The following B9D2 variants were observed in gnomAD, a reference collection of about 807,000 sequenced individuals.
B9D2 encodes B9 domain containing 2.
A neutral mutation model predicts 19.2 loss-of-function variants in B9D2; 21 were observed. That is an observed-to-expected ratio of 1.09 (90% CI 0.78 to 1.58). B9D2 has a LOEUF of 1.58. B9D2 is among the 40% of genes most tolerant of loss of function. The pLI, the probability that B9D2 is intolerant of heterozygous loss-of-function variation, is 0.00. For missense variants in B9D2, 221 were observed against 244.3 expected (o/e 0.90, Z 0.64); for synonymous variants, 91 against 100.6 (o/e 0.90, Z 0.57).
intron 2 of B9D2, among the ~76,000 whole-genome samples, chr19:41,359,434 T>G (rs2038368770): frequency 6.7e-6 from 1 of 150,272 alleles, no homozygotes; most frequent in African/African-American, 2.5e-5. Context: ...CCCACAAAAT[T>G]AGCCACGTCT....
chr19:41,356,303 A>T (rs567019260), intron 3 of B9D2, among the ~76,000 whole-genome samples: 8 of 152,176 alleles, frequency 5.3e-5, no homozygotes, highest in Non-Finnish European at 1.2e-4. Flanking sequence ...ACTTGGACAG[A>T]TCAAGGTGCT....
In B9D2 at chr19:41,355,029, G is replaced by A; in HGVS notation, c.215-16C>T. ...CGGGGCCAGCCTGCAGGAAAGGAGA[G>A]AGAGGGGAAAGGAGGGATGGGTGGG... On this transcript the variant is annotated splice_polypyrimidine_tract_variant and intron_variant, in intron 3 of 3. Transcript: ENST00000243578. 3 of 1,569,162 alleles carry A rather than the reference G, an allele frequency of 1.9e-6. No homozygotes were observed. The highest frequency in any genetic ancestry group is 1.8e-5 in the Admixed American group (1 of 55,694).
intron 2 of B9D2, among the ~76,000 whole-genome samples, chr19:41,362,078 CAAA>C (rs940435937): frequency 0.016 from 735 of 45,986 alleles, 8 homozygotes; most frequent in African/African-American, 0.051. Flanking sequence ...GACTCTGTCT[CAAA>C]AAAAAAAAAA....
chr19:41,363,763 C>T (rs1037003918), intron 1 of B9D2, among the ~76,000 whole-genome samples, 195 bp downstream of exon 1: 8 of 152,204 alleles, frequency 5.3e-5, no homozygotes, highest in Non-Finnish European at 8.8e-5. Context: ...TCCAAAATAA[C>T]CTTTTCGGGT....
chr19:41,357,364 T>C (rs909520043), intron 3 of B9D2, among the ~76,000 whole-genome samples: 1 of 152,206 alleles, frequency 6.6e-6, no homozygotes, highest in African/African-American at 2.4e-5. Flanking sequence ...ACAGGGCAGG[T>C]ACCAGGTAGA....
At chr19:41,360,630 C>T (rs1426398276) in intron 2 of B9D2, among the ~76,000 whole-genome samples, 12 of 152,170 alleles carry the variant, frequency 7.9e-5, no homozygotes, top group Admixed American at 2.0e-4. Context: ...CTCAGCCTCT[C>T]GAGTAGCTGG....
intron 2 of B9D2, among the ~76,000 whole-genome samples, chr19:41,360,554 G>A (rs2038388816): frequency 6.6e-6 from 1 of 151,922 alleles, no homozygotes; most frequent in Admixed American, 6.6e-5. Flanking sequence ...TGCCCAAGCT[G>A]GAGTGCAATG....
Position 41,363,425 on chromosome 19 carries a change from G to A in B9D2, c.88+7C>T, listed in dbSNP as rs780645187. The A allele has an allele frequency of 6.2e-7, 1 of 1,613,974 alleles. No individual in the cohort carries two copies. The highest frequency in any genetic ancestry group is 1.1e-5 in the South Asian group (1 of 91,078). ...GGTGTGGAAATGAACCAGGCTTGGG[G>A]GAATACCTGTGTGAATGCCCCACTT... On this transcript the variant is annotated splice_region_variant and intron_variant, in intron 2 of 3. Coordinates refer to ENST00000243578, the MANE Select transcript of B9D2 (RefSeq NM_030578.4).
At chr19:41,363,576 A>G in intron 1 of B9D2, 53 bp from the exon 2 acceptor site, 1 of 1,462,170 alleles carries the variant, frequency 6.8e-7, no homozygotes, top group Middle Eastern at 1.7e-4. Context: ...TATTATCTCC[A>G]TTTGACGGGG....
chr19:41,363,871 C>A, intron 1 of B9D2, 87 bp downstream of exon 1: 1 of 508,608 alleles, frequency 2.0e-6, no homozygotes, highest in Non-Finnish European at 3.6e-6. Context: ...CGCTTCCCTC[C>A]CCCAGCAAGC....
intron 2 of B9D2, chr19:41,363,214 C>G: frequency 1.7e-6 from 1 of 599,774 alleles, no homozygotes; most frequent in South Asian, 1.8e-5. Context: ...CCACCTTACT[C>G]CAGCCCGGGC....
At chr19:41,355,607 C>T (rs1348135775) in intron 3 of B9D2, among the ~76,000 whole-genome samples, 2 of 152,222 alleles carry the variant, frequency 1.3e-5, no homozygotes, top group Non-Finnish European at 2.9e-5. Flanking sequence ...GAGATCCAGC[C>T]CCATCTCATC....
At chr19:41,358,128 C>A in intron 2 of B9D2, 106 bp from the exon 3 acceptor site, 1 of 1,507,384 alleles carries the variant, frequency 6.6e-7, no homozygotes, top group South Asian at 1.2e-5. Flanking sequence ...GTAGGGGTTA[C>A]GAAGCATGGA....
At position 41,354,715 on chromosome 19, in the gene B9D2, G is replaced by A. The variant is rs143680317; in HGVS notation, c.513C>T (p.Tyr171=). The stretch of plus-strand genomic sequence containing the variant: ...GCAGAGTCCCTCAGCACTCCACGCC[G>A]TAGCGGTCGAAGTTGCGGAGCAGCA... ...IGLLLRNFDR[Y]GVEC Residue 171 remains tyrosine, a synonymous_variant, in exon 4 of 4, where the codon TAC becomes TAT. Transcript: ENST00000243578. 526 of 1,614,022 alleles carry A rather than the reference G, an allele frequency of 3.3e-4. 2 individuals are homozygous for A. The East Asian group carries it at 9.7e-3, about 30-fold the overall frequency.
intron 1 of B9D2, among the ~76,000 whole-genome samples, 170 bp from the exon 2 acceptor site, chr19:41,363,693 G>T (rs1219966262): frequency 6.6e-6 from 1 of 152,156 alleles, no homozygotes; most frequent in African/African-American, 2.4e-5. Context: ...GCCAACCCAT[G>T]AAAGCCTGGA....
chr19:41,362,176 G>T (rs1488894875), intron 2 of B9D2, among the ~76,000 whole-genome samples: 1 of 148,512 alleles, frequency 6.7e-6, no homozygotes, highest in Admixed American at 6.8e-5. Context: ...AAGGTCAGGA[G>T]ATCGAGACCA....
chr19:41,354,831 G>A lies in B9D2; in HGVS notation c.397C>T (p.Gln133Ter). Residue 133 changes from glutamine (Q) to a stop codon, truncating the protein, a stop_gained, in exon 4 of 4, where the codon CAG becomes TAG. Coordinates refer to ENST00000243578, the MANE Select transcript of B9D2 (RefSeq NM_030578.4). LOFTEE classifies it high-confidence loss of function. ...TAGATGGTGTCCCCATGCAGCAGCT[G>A]CGGCCCACCACCCACGAAAGCCCGT... is the stretch of plus-strand genomic sequence containing the variant. ...LARAFVGGGP[Q>*]LLHGDTIYSG... The A allele has an allele frequency of 7.4e-6, 12 of 1,614,016 alleles. No individual in the cohort carries two copies. Among genetic ancestry groups the A allele is most frequent in the Non-Finnish European group, 9.3e-6 (11 of 1,179,998 alleles).
chr19:41,357,005 C>A (rs1238494738), intron 3 of B9D2, among the ~76,000 whole-genome samples: 1 of 152,198 alleles, frequency 6.6e-6, no homozygotes, highest in Non-Finnish European at 1.5e-5. Flanking sequence ...CTCCCTCAAT[C>A]CACTAGATGC....
intron 2 of B9D2, among the ~76,000 whole-genome samples, chr19:41,358,585 C>T (rs1045119881): frequency 5.3e-5 from 8 of 152,182 alleles, no homozygotes; most frequent in African/African-American, 9.6e-5. Context: ...CATTTTATTA[C>T]GATTCTCACC....
Sources: gnomAD v4.1 joint callset for allele counts (sites outside exome capture counted in the v4.1 genomes callset) on GRCh38, gnomAD v4.1.1 for gene constraint, MANE v1.5 for transcripts, NCBI Gene and HGNC (gene_info 2026-07-23, HGNC 2026-07-21) for gene names.